The following SBF2 variants were observed in gnomAD, a reference collection of about 807,000 sequenced individuals.
SBF2 encodes the protein myotubularin-related protein 13.
A neutral mutation model predicts 225.2 loss-of-function variants in SBF2; 112 were observed. The ratio of observed to expected loss-of-function variants is 0.50; its 90% CI spans 0.43 to 0.58. The LOEUF (loss-of-function observed/expected upper bound fraction) is 0.58. Among genes scored for constraint, SBF2 ranks in the 20% least tolerant of loss-of-function variants. The pLI is 0.00. For missense variants in SBF2, 1,996 were observed against 2,206.2 expected (o/e 0.90, Z 1.91); for synonymous variants, 763 against 773.3 (o/e 0.99, Z 0.22).
At chr11:10,266,061 G>A (rs541450353) in intron 1 of SBF2, among the ~76,000 whole-genome samples, 1 of 152,268 alleles carries the variant, frequency 6.6e-6, no homozygotes, top group East Asian at 1.9e-4. Flanking sequence ...CGGCTAGGCA[G>A]AAGACCTTGC....
At chr11:10,236,069 TCAAAA>T (rs916776487) in intron 1 of SBF2, among the ~76,000 whole-genome samples, 5 of 152,068 alleles carry the variant, frequency 3.3e-5, no homozygotes, top group African/African-American at 9.7e-5. Flanking sequence ...AGATCTTGTC[TCAAAA>T]CAAAACAAAA....
At position 10,252,514 on chromosome 11, in the gene SBF2, C is replaced by A. The variant is rs557182331; in HGVS notation, c.55+41501G>T. On this transcript the variant is annotated intron_variant, in intron 1 of 39. Coordinates refer to ENST00000256190, the MANE Select transcript of SBF2 (RefSeq NM_030962.4). ...GTGTTAAAACTGTGTTCAAATAAGG[C>A]AAACGCTGGCCGGGCGCGGTGGCTC... 3.3e-5 allele frequency among the ~76,000 whole-genome samples: 5 copies of A among 152,300 alleles called. No homozygotes were observed. The South Asian group carries it at 1.0e-3, about 32-fold the overall frequency.
At chr11:10,225,296 AT>A (rs1180139738) in intron 1 of SBF2, among the ~76,000 whole-genome samples, 1 of 152,052 alleles carries the variant, frequency 6.6e-6, no homozygotes, top group African/African-American at 2.4e-5. Flanking sequence ...ACAAACAAAA[AT>A]AAAAACACTT....
chr11:10,040,710 A>G (rs1949620208), intron 3 of SBF2, among the ~76,000 whole-genome samples: 2 of 151,808 alleles, frequency 1.3e-5, no homozygotes, highest in South Asian at 4.2e-4. Flanking sequence ...CCTCTGAAGC[A>G]TATACTAAAG....
At chr11:10,051,519 T>A (rs1227813474) in intron 2 of SBF2, among the ~76,000 whole-genome samples, 2 of 152,130 alleles carry the variant, frequency 1.3e-5, no homozygotes, top group Non-Finnish European at 2.9e-5. Context: ...TAATTAATGG[T>A]TGGCCTGGTC....
At chr11:9,997,036 T>C (rs1278130355) in intron 9 of SBF2, among the ~76,000 whole-genome samples, 2 of 152,208 alleles carry the variant, frequency 1.3e-5, no homozygotes, top group Non-Finnish European at 2.9e-5. Flanking sequence ...TTACAAATTA[T>C]ATAAGGAAAA....
chr11:9,984,543 A>G (rs1254432982), intron 13 of SBF2, among the ~76,000 whole-genome samples: 1 of 152,182 alleles, frequency 6.6e-6, no homozygotes, highest in East Asian at 1.9e-4. Context: ...CCGGCCTTGC[A>G]AGAGACCTAG....
intron 16 of SBF2, among the ~76,000 whole-genome samples, chr11:9,953,669 C>T (rs1865989636): frequency 6.6e-6 from 1 of 152,164 alleles, no homozygotes; most frequent in African/African-American, 2.4e-5. Flanking sequence ...GGTGTACTCA[C>T]AAATCTGATT....
intron 6 of SBF2, among the ~76,000 whole-genome samples, chr11:10,007,572 G>A (rs938791598): frequency 1.3e-5 from 2 of 152,278 alleles, no homozygotes; most frequent in Middle Eastern, 3.4e-3. Context: ...CCTGACCTTT[G>A]TTGGGCTTGT....
At chr11:10,291,031 T>A (rs781764429) in intron 1 of SBF2, among the ~76,000 whole-genome samples, 8 of 152,194 alleles carry the variant, frequency 5.3e-5, no homozygotes, top group Non-Finnish European at 1.0e-4. Flanking sequence ...AAGTACAAAG[T>A]TGTTCTCAAA....
At position 9,993,571 on chromosome 11, in the gene SBF2, C is replaced by T. The variant is rs181726368; in HGVS notation, c.1053+350G>A. ...ATAACCAACATTCTTTATATCCATT[C>T]TTGTAAGCATCTCTTTTGTTTTGAA... On this transcript the variant is annotated intron_variant, in intron 10 of 39. Coordinates refer to ENST00000256190, the MANE Select transcript of SBF2 (RefSeq NM_030962.4). Among the ~76,000 whole-genome samples the T allele has an allele frequency of 8.7e-4, 133 of 152,354 alleles. 1 individual carries two copies. The highest frequency in any genetic ancestry group is 1.5e-3 in the Non-Finnish European group (104 of 68,034).
At chr11:9,808,703 A>G in intron 31 of SBF2, 198 bp downstream of exon 31, 1 of 504,502 alleles carries the variant, frequency 2.0e-6, no homozygotes, top group South Asian at 2.2e-5. Context: ...TGATGCCCGG[A>G]GCCAGAGCTC....
In SBF2 at chr11:9,845,660, A is replaced by G. The variant is rs1554922354; in HGVS notation, c.3015T>C (p.Tyr1005=). The change falls in exon 24 of 40, where the codon TAT becomes TAC. Residue 1005 remains tyrosine, a synonymous_variant. Coordinates refer to ENST00000256190, the MANE Select transcript of SBF2 (RefSeq NM_030962.4). ...CAAAGGTACTGAAAATGGACTGAGG[A>G]TAACGGAACTTCATCAGCTGTTTCT... ...IFKKQLMKFR[Y]PQSIFSTFAF... 1 of 1,613,920 alleles carries G rather than the reference A, an allele frequency of 6.2e-7. No individual in the cohort carries two copies. Among genetic ancestry groups the G allele is most frequent in the Non-Finnish European group, 8.5e-7 (1 of 1,179,790 alleles).
At chr11:10,214,254 C>T (rs1228633139) in intron 1 of SBF2, among the ~76,000 whole-genome samples, 1 of 152,152 alleles carries the variant, frequency 6.6e-6, no homozygotes, top group Non-Finnish European at 1.5e-5. Flanking sequence ...TGTCACCAGA[C>T]ATTTCTAAAT....
At chr11:9,836,523 A>T (rs1434739144) in intron 26 of SBF2, among the ~76,000 whole-genome samples, 1 of 152,182 alleles carries the variant, frequency 6.6e-6, no homozygotes, top group Non-Finnish European at 1.5e-5. Context: ...GTAGCTTTAT[A>T]AAAACTCTTG....
At chr11:10,184,031 T>C (rs1164806084) in intron 2 of SBF2, among the ~76,000 whole-genome samples, 1 of 152,222 alleles carries the variant, frequency 6.6e-6, no homozygotes, top group Admixed American at 6.5e-5. Flanking sequence ...TTTGAGGTGA[T>C]GGATACACTA....
chr11:10,010,943 A>G (rs1444515359), intron 6 of SBF2, among the ~76,000 whole-genome samples: 1 of 152,110 alleles, frequency 6.6e-6, no homozygotes, highest in Non-Finnish European at 1.5e-5. Context: ...CTCCTTGAAG[A>G]GGTCCTTCAC....
chr11:10,123,473 C>A (rs972158357), intron 2 of SBF2, among the ~76,000 whole-genome samples: 4 of 151,926 alleles, frequency 2.6e-5, no homozygotes, highest in African/African-American at 4.8e-5. Flanking sequence ...AAAAATCTAC[C>A]AAGAGAATGT....
At chr11:9,815,337 TCTCAGCTA>T (rs1292046001) in intron 29 of SBF2, among the ~76,000 whole-genome samples, 2 of 134,774 alleles carry the variant, frequency 1.5e-5, no homozygotes, top group Admixed American at 1.5e-4. Flanking sequence ...GTGCCTGTAA[TCTCAGCTA>T]CTCAGGAGAC....
Sources: allele counts gnomAD v4.1 joint callset (sites outside exome capture counted in the v4.1 genomes callset), GRCh38; gene constraint gnomAD v4.1.1; transcripts MANE v1.5; gene names NCBI Gene and HGNC (gene_info 2026-07-23, HGNC 2026-07-21).